Variants in DYNC2H1 observed in about 807,000 individuals in gnomAD.
The protein encoded by DYNC2H1 is cytoplasmic dynein 2 heavy chain 1.
Under a neutral mutation model 570.0 loss-of-function variants are expected in DYNC2H1, and 410 were observed. The observed-to-expected ratio is 0.72, with a 90% CI of 0.66 to 0.78. The LOEUF is 0.78. DYNC2H1 is among the 30% of genes least tolerant of loss of function. The probability of loss-of-function intolerance (pLI) is 0.00; values close to 1 mark genes in which losing one functional copy is unlikely to be tolerated. For synonymous variants in DYNC2H1, 1,688 were observed against 1,677.6 expected (o/e 1.01, Z -0.15); for missense variants, 4,865 against 5,046.4 (o/e 0.96, Z 1.09).
At chr11:103,342,528 G>A (rs2435914) in intron 82 of DYNC2H1, among the ~76,000 whole-genome samples, 80,801 of 148,510 alleles carry the variant, frequency 0.54, 23,628 homozygotes, top group Admixed American at 0.66. Flanking sequence ...TTTGAGATGG[G>A]GGCTCGCTCT....
chr11:103,241,618 G>A lies in DYNC2H1; in HGVS notation c.9820-2075G>A, dbSNP rs1383128027. 7.9e-7 allele frequency: 1 copy of A among 1,265,926 alleles called. No individual in the cohort carries two copies. Among genetic ancestry groups the A allele is most frequent in the Non-Finnish European group, 1.1e-6 (1 of 903,310 alleles). 78.4% of individuals were successfully genotyped at this position (1,265,926 alleles called of 1,614,324 possible). A position where few individuals can be genotyped will look rare whatever the true frequency, so the allele number is the denominator to read the frequency against. ...CAAAATGCAGAATTGTGAAATGTGTGCTATTGAATGCTAGCATAAAATTAG... is the reference window on the plus strand; with the variant it reads ...CAAAATGCAGAATTGTGAAATGTGTACTATTGAATGCTAGCATAAAATTAG... On this transcript the variant is annotated intron_variant, in intron 63 of 88. Transcript: ENST00000375735. This position sits in a 1 kb window ranked among gnomAD's most constrained non-coding sequence, Gnocchi z 5.1.
chr11:103,242,632 T>A (rs7129311), intron 63 of DYNC2H1, among the ~76,000 whole-genome samples: 1 of 152,182 alleles, frequency 6.6e-6, no homozygotes, highest in African/African-American at 2.4e-5. Flanking sequence ...ACTTTTAAAT[T>A]TATCATACAT....
At chr11:103,288,684 T>TTA (rs1401919829) in intron 75 of DYNC2H1, among the ~76,000 whole-genome samples, 8 of 27,914 alleles carry the variant, frequency 2.9e-4, no homozygotes, top group Admixed American at 1.3e-3. Context: ...CCGTCTCTAC[T>TTA]AAAAAAAAAA....
At chr11:103,240,158 C>G (rs1864374700) in intron 63 of DYNC2H1, among the ~76,000 whole-genome samples, 1 of 152,032 alleles carries the variant, frequency 6.6e-6, no homozygotes, top group African/African-American at 2.4e-5. Flanking sequence ...TAATTTTTAC[C>G]AGGAGATCTC....
intron 75 of DYNC2H1, among the ~76,000 whole-genome samples, chr11:103,293,650 A>G (rs1866703402): frequency 6.6e-6 from 1 of 151,394 alleles, no homozygotes; most frequent in Non-Finnish European, 1.5e-5. Flanking sequence ...ATGTTTTCAA[A>G]CTCACTAATT....
rs1310815109 is a variant in DYNC2H1, at chr11:103,244,748, T to C, written c.9919-503T>C. 1.3e-5 allele frequency among the ~76,000 whole-genome samples: 2 copies of C among 148,228 alleles called. No homozygotes were observed. The highest frequency in any genetic ancestry group is 3.0e-5 in the Non-Finnish European group (2 of 67,234). ...TATACATATAAGTATATAAATATAC[T>C]ATATATATCTATAGTTACAGTTATA... On this transcript the variant is annotated intron_variant, in intron 64 of 88. Transcript: ENST00000375735. The surrounding 1 kb of genome is among the most constrained non-coding windows in gnomAD (Gnocchi z 4.3).
chr11:103,289,612 T>A lies in DYNC2H1; in HGVS notation c.11095+2007T>A, dbSNP rs1866508464. 6.6e-6 allele frequency among the ~76,000 whole-genome samples: 1 copy of A among 151,988 alleles called. No homozygotes were observed. The highest frequency in any genetic ancestry group is 2.1e-4 in the South Asian group (1 of 4,814). Reference sequence around the variant, plus strand: ...CTTGTCTTTAGTAAATATTAAAAAATGAGCCAGGCACGGTGGCATGTGCCT... The same window carrying A: ...CTTGTCTTTAGTAAATATTAAAAAAAGAGCCAGGCACGGTGGCATGTGCCT... On this transcript the variant is annotated intron_variant, in intron 75 of 88. Coordinates refer to ENST00000375735, the MANE Select transcript of DYNC2H1 (RefSeq NM_001377.3). The surrounding 1 kb of genome is among the most constrained non-coding windows in gnomAD (Gnocchi z 4.2).
rs908038898 is a variant in DYNC2H1 at position 103,283,848 on chromosome 11, A to AG, written c.10890+771dup. 2.4e-4 allele frequency among the ~76,000 whole-genome samples: 36 copies of AG among 151,706 alleles called. 1 individual carries two copies. Among genetic ancestry groups the AG allele is most frequent in the Middle Eastern group, 3.4e-3 (1 of 294 alleles). ...TGGTTGAGTAAAAGAAATGAAAAAA[A>AG]GGGGGGGGAATTCTGCTATATATCC... On this transcript the variant is annotated intron_variant, in intron 73 of 88. Transcript: ENST00000375735.
intron 74 of DYNC2H1, among the ~76,000 whole-genome samples, chr11:103,286,894 C>T (rs971813748): frequency 1.3e-5 from 2 of 152,094 alleles, no homozygotes; most frequent in African/African-American, 4.8e-5. Context: ...GGATCTAACC[C>T]CTTTGTGTCT....
At chr11:103,429,054 A>G (rs1276563608) in intron 84 of DYNC2H1, among the ~76,000 whole-genome samples, 1 of 31,404 alleles carries the variant, frequency 3.2e-5, no homozygotes, top group Non-Finnish European at 5.3e-5. Flanking sequence ...TGAGCCTAGG[A>G]GTTCAAGACC....
At chr11:103,141,384 G>A (rs1330523635) in intron 17 of DYNC2H1, among the ~76,000 whole-genome samples, 3 of 152,230 alleles carry the variant, frequency 2.0e-5, no homozygotes, top group South Asian at 4.1e-4. Context: ...GGTTTTTGGT[G>A]TGGATGTCCT....
intron 87 of DYNC2H1, among the ~76,000 whole-genome samples, chr11:103,460,865 A>T (rs1565619637): frequency 6.6e-6 from 1 of 152,076 alleles, no homozygotes; most frequent in Admixed American, 6.6e-5. Flanking sequence ...TTTGGGATTC[A>T]TTAAAAGATA....
chr11:103,141,313 T>C (rs1188541803), intron 17 of DYNC2H1, among the ~76,000 whole-genome samples: 1 of 152,220 alleles, frequency 6.6e-6, no homozygotes, highest in Non-Finnish European at 1.5e-5. Context: ...TTTTCTGCTC[T>C]GTTTTTTTCC....
rs1864920310 is a variant in DYNC2H1, at chr11:103,253,436, A to G, written c.10194A>G (p.Gly3398=). Residue 3398 remains glycine (G), a synonymous_variant, in exon 66 of 89, where the codon GGA becomes GGG. Coordinates refer to ENST00000375735, the MANE Select transcript of DYNC2H1 (RefSeq NM_001377.3). ...TTAACTTTACTACAACAAGAAGTGG[A>G]TTACGAGGGCAGGTATACATAGATA... The part of the protein sequence containing the change: ...TEVNFTTTRS[G]LRGQLLALTI... The G allele has an allele frequency of 6.2e-7, 1 of 1,612,646 alleles. No individual in the cohort carries two copies. Among genetic ancestry groups the G allele is most frequent in the Non-Finnish European group, 8.5e-7 (1 of 1,179,102 alleles).
At position 103,120,475 on chromosome 11, in the gene DYNC2H1, A is replaced by C; in HGVS notation, c.1028A>C (p.Lys343Thr). The C allele has an allele frequency of 6.2e-7, 1 of 1,611,770 alleles. No individual in the cohort carries two copies. Among genetic ancestry groups the C allele is most frequent in the East Asian group, 2.2e-5 (1 of 44,784 alleles). ...EVLAIRTIHE[K>T]FLYFLPASEE... ...TTGGCTATTAGAACAATTCATGAGA[A>C]GTTTCTCTATTTTCTACCTGCCAGT... The change falls in exon 7 of 89, where the codon AAG becomes ACG. Residue 343 changes from lysine to threonine, a missense_variant. By Grantham distance (78) the Lys-to-Thr change is moderately conservative (BLOSUM62 -1). Around this residue, in one of 5 missense-constraint regions of DYNC2H1, gnomAD observed 1,936 missense variants for 1,962.1 expected, o/e 0.99. Coordinates refer to ENST00000375735, the MANE Select transcript of DYNC2H1 (RefSeq NM_001377.3).
intron 84 of DYNC2H1, chr11:103,409,456 T>C (rs1019677683): frequency 2.0e-5 from 3 of 151,992 alleles, no homozygotes; most frequent in African/African-American, 4.8e-5. Context: ...GTGGCTGCTT[T>C]TGGGCCAACT....
chr11:103,445,438 T>C lies in DYNC2H1; in HGVS notation c.12456+9406T>C, dbSNP rs202079171. 7.2e-5 allele frequency among the ~76,000 whole-genome samples: 11 copies of C among 152,308 alleles called. No individual in the cohort carries two copies. In the East Asian group the frequency reaches 2.1e-3, roughly 29 times the overall value. On this transcript the variant is annotated intron_variant, in intron 85 of 88. Coordinates refer to ENST00000375735, the MANE Select transcript of DYNC2H1 (RefSeq NM_001377.3). ...ACTTATGTAGAGATTTGAATATTAA[T>C]GTGAGTAAACAACTGACTTGCTTCG... is the stretch of plus-strand genomic sequence containing the variant.
chr11:103,331,720 TG>T (rs1286505734), intron 82 of DYNC2H1, among the ~76,000 whole-genome samples: 2 of 152,198 alleles, frequency 1.3e-5, no homozygotes, highest in Non-Finnish European at 2.9e-5. Flanking sequence ...ACACAGATGT[TG>T]GAACTACCTA....
At position 103,476,654 on chromosome 11, in the gene DYNC2H1, A is replaced by C. The variant is rs188070221; in HGVS notation, c.12766-2441A>C. Among the ~76,000 whole-genome samples the C allele has an allele frequency of 1.0e-3, 157 of 152,258 alleles. 1 individual carries two copies. Among genetic ancestry groups the C allele is most frequent in the African/African-American group, 3.6e-3 (151 of 41,560 alleles). On this transcript the variant is annotated intron_variant, in intron 88 of 88. Transcript: ENST00000375735. ...TATGTAAATCAGGTTAAGTTTTAAG[A>C]ATGTTAGGAATGAATAATTTTTTGG...
Sources: gnomAD v4.1 joint callset for allele counts (sites outside exome capture counted in the v4.1 genomes callset) on GRCh38, gnomAD v4.1.1 for gene constraint, gnomAD v4.1.1 regional missense constraint, Gnocchi (gnomAD v3.1) non-coding constraint, MANE v1.5 for transcripts, NCBI Gene and HGNC (gene_info 2026-07-23, HGNC 2026-07-21) for gene names.